SIN3A: variants seen among roughly 807,000 people sequenced by gnomAD.
SIN3A encodes paired amphipathic helix protein Sin3a.
SIN3A carries 14 observed loss-of-function variants against 146.1 expected under a neutral mutation model. The ratio of observed to expected loss-of-function variants is 0.10; its 90% CI spans 0.06 to 0.15. The LOEUF (loss-of-function observed/expected upper bound fraction) is 0.15, where lower values mean the gene tolerates loss of function less well. Among genes scored for constraint, SIN3A ranks in the 10% least tolerant of loss-of-function variants. The pLI is 1.00. For synonymous variants in SIN3A, 572 were observed against 572.0 expected, an observed-to-expected ratio of 1.00 and a Z score of 0.00; for missense variants, 1,028 against 1,576.0, an observed-to-expected ratio of 0.65 and a Z score of 5.89.
intron 1 of SIN3A, among the ~76,000 whole-genome samples, chr15:75,440,922 C>A (rs2074196845): frequency 1.4e-5 from 2 of 141,564 alleles, no homozygotes; most frequent in South Asian, 4.4e-4. Context: ...GCAGAGCTTG[C>A]AGTGAGCTGA....
chr15:75,387,604 T>C (rs1425805775), intron 16 of SIN3A, among the ~76,000 whole-genome samples: 1 of 151,088 alleles, frequency 6.6e-6, no homozygotes, highest in African/African-American at 2.4e-5. Flanking sequence ...AGATAGTATT[T>C]ATTACTGATT....
chr15:75,420,687 T>A (rs1228943951), intron 3 of SIN3A: 1 of 152,218 alleles, frequency 6.6e-6, no homozygotes, highest in Non-Finnish European at 1.5e-5. Flanking sequence ...ATGCCCGGCC[T>A]ACATTATTAT....
chr15:75,445,832 T>G (rs971036443), intron 1 of SIN3A, among the ~76,000 whole-genome samples: 3 of 152,070 alleles, frequency 2.0e-5, no homozygotes, highest in African/African-American at 4.8e-5. Context: ...AGATAGTTCT[T>G]GAAAGGACAG....
chr15:75,424,475 T>C (rs1287901844), intron 2 of SIN3A, among the ~76,000 whole-genome samples: 1 of 152,056 alleles, frequency 6.6e-6, no homozygotes, highest in African/African-American at 2.4e-5. Context: ...CGTAATTTTT[T>C]TTCTTACCTT....
At chr15:75,454,344 C>A (rs1051116503), upstream of SIN3A, among the ~76,000 whole-genome samples, 1 of 152,088 alleles carries the variant, frequency 6.6e-6, no homozygotes, top group Non-Finnish European at 1.5e-5. Context: ...GAAAGGGGTC[C>A]GCCCCTCAGC....
At chr15:75,382,698 G>C (rs569008034) in intron 17 of SIN3A, among the ~76,000 whole-genome samples, 5 of 152,196 alleles carry the variant, frequency 3.3e-5, no homozygotes, top group Non-Finnish European at 7.3e-5. Context: ...TGTAATCCCA[G>C]CACTTTGGGA....
chr15:75,401,881 C>T lies in SIN3A; in HGVS notation c.1497G>A (p.Glu499=). 3 of 1,613,372 alleles carry T rather than the reference C, an allele frequency of 1.9e-6. No individual in the cohort carries two copies. The South Asian group carries it at 3.3e-5, about 18-fold the overall frequency. ...IFNQEVISRA[E]LVQLVSPFLG... is the part of the protein sequence containing the mutation. ...GGAAAGGAGAGACTAGTTGCACAAG[C>T]TCAGCACGAGAGATCACCTCCTGGT... Residue 499 remains glutamate, a synonymous_variant, in exon 10 of 21, where the codon GAG becomes GAA. Transcript: ENST00000394947.
At chr15:75,454,697 G>A (rs373271796), upstream of SIN3A, among the ~76,000 whole-genome samples, 48 of 148,706 alleles carry the variant, frequency 3.2e-4, 1 homozygote, top group East Asian at 2.3e-3. Context: ...CCCCGCCCCC[G>A]CCCCATCCGC....
Position 75,396,277 on chromosome 15 carries a change from C to T in SIN3A, c.2074G>A (p.Val692Ile). 1 of 1,613,364 alleles carries T rather than the reference C, an allele frequency of 6.2e-7. No homozygotes were observed. The highest frequency in any genetic ancestry group is 1.3e-5 in the African/African-American group (1 of 75,024). ...ATGTACCTTTTAAGGACAATTGGAA[C>T]AGCAATGGAGGGATTCTTTCTCAGA... ...DGLRKNPSIAVPIVLKRLKMK... is the reference protein window; with the variant it reads ...DGLRKNPSIAIPIVLKRLKMK... The change falls in exon 13 of 21, where the codon GTT (valine) becomes ATT (isoleucine). Residue 692 changes from valine to isoleucine, a missense_variant. Physicochemically the swap from Val to Ile is conservative, Grantham distance 29. Around this residue, in one of 9 missense-constraint regions of SIN3A, gnomAD observed 157 missense variants for 284.8 expected, o/e 0.55. Transcript: ENST00000394947.
At chr15:75,415,664 C>G (rs950548621) in intron 3 of SIN3A, 4 of 159,670 alleles carry the variant, frequency 2.5e-5, no homozygotes, top group African/African-American at 9.7e-5. Flanking sequence ...CCAGCCTGAC[C>G]AACACGGAGA....
intron 14 of SIN3A, among the ~76,000 whole-genome samples, chr15:75,393,330 C>A (rs576482812): frequency 6.6e-6 from 1 of 152,292 alleles, no homozygotes; most frequent in South Asian, 2.1e-4. Flanking sequence ...ATACAGGTAC[C>A]TTCTACACAC....
chr15:75,425,891 G>A (rs902661711), intron 2 of SIN3A, among the ~76,000 whole-genome samples: 8 of 152,130 alleles, frequency 5.3e-5, no homozygotes. Flanking sequence ...CCTGGAGGGA[G>A]ATGAAGAAAT....
At chr15:75,401,346 G>A (rs1436062343) in intron 10 of SIN3A, among the ~76,000 whole-genome samples, 1 of 151,882 alleles carries the variant, frequency 6.6e-6, no homozygotes, top group Non-Finnish European at 1.5e-5. Flanking sequence ...TGGCCAACAT[G>A]GTAAAACACC....
At chr15:75,444,381 C>T (rs1010027311) in intron 1 of SIN3A, among the ~76,000 whole-genome samples, 1 of 152,110 alleles carries the variant, frequency 6.6e-6, no homozygotes, top group African/African-American at 2.4e-5. Flanking sequence ...GCGGAGGTTG[C>T]AGTGAGCCAA....
intron 19 of SIN3A, chr15:75,376,217 T>C (rs879917530): frequency 6.2e-4 from 181 of 292,064 alleles, no homozygotes; most frequent in South Asian, 1.9e-3. Context: ...GATCATACTA[T>C]ATATTTTGTC....
At chr15:75,406,946 G>A (rs1279109865) in intron 9 of SIN3A, 109 bp downstream of exon 9, 9 of 647,516 alleles carry the variant, frequency 1.4e-5, no homozygotes, top group Non-Finnish European at 2.1e-5. Context: ...TTAAAAAACA[G>A]AAAGTCCTAA....
chr15:75,389,552 C>T (rs76301560), intron 16 of SIN3A, 100 bp downstream of exon 16: 30 of 1,119,306 alleles, frequency 2.7e-5, no homozygotes, highest in Non-Finnish European at 3.7e-5. Context: ...CGTTCATAAA[C>T]ACTGTTATAT....
At chr15:75,440,185 A>C (rs1333733909) in intron 1 of SIN3A, among the ~76,000 whole-genome samples, 1 of 151,744 alleles carries the variant, frequency 6.6e-6, no homozygotes, top group African/African-American at 2.4e-5. Flanking sequence ...CTTTAAAAAA[A>C]CCCCATATCG....
intron 19 of SIN3A, among the ~76,000 whole-genome samples, chr15:75,377,433 T>C (rs2072882504): frequency 6.6e-6 from 1 of 152,042 alleles, no homozygotes; most frequent in East Asian, 1.9e-4. Flanking sequence ...GAGACTAGCC[T>C]GGCCAACATG....
Sources: allele counts gnomAD v4.1 joint callset (sites outside exome capture counted in the v4.1 genomes callset), GRCh38; gene constraint gnomAD v4.1.1; regional missense constraint gnomAD v4.1.1; transcripts MANE v1.5; gene names NCBI Gene and HGNC (gene_info 2026-07-23, HGNC 2026-07-21).